Variants in NALF2 observed in about 807,000 individuals in gnomAD.
The protein encoded by NALF2 is NALCN channel auxiliary factor 2.
NALF2 carries 1 observed loss-of-function variant against 24.8 expected under a neutral mutation model. The observed-to-expected ratio is 0.04, with a 90% CI of 0.01 to 0.19. The LOEUF is 0.19. Among genes scored for constraint, NALF2 ranks in the 10% least tolerant of loss-of-function variants. The pLI is 1.00. For missense variants in NALF2, 458 were observed against 409.6 expected, an observed-to-expected ratio of 1.12 and a Z score of -1.02; for synonymous variants, 254 against 189.8, an observed-to-expected ratio of 1.34 and a Z score of -2.78.
At chrX:69,509,717 G>T (rs1930551595) in intron 1 of NALF2, among the ~76,000 whole-genome samples, 1 of 111,801 alleles carries the variant, frequency 8.9e-6, no homozygotes, top group Non-Finnish European at 1.9e-5. Flanking sequence ...GTTTCACCTG[G>T]AGAAGAGGTG....
chrX:69,505,178 C>G lies in NALF2; in HGVS notation c.-105C>G. 1 of 837,887 alleles carries G rather than the reference C, an allele frequency of 1.2e-6. No individual in the cohort carries two copies. Among genetic ancestry groups the G allele is most frequent in the South Asian group, 3.0e-5 (1 of 33,479 alleles). The allele number at this position is 837,887 out of a possible 1,213,427, so 69.1% of individuals were successfully genotyped here. Reference sequence around the variant, plus strand: ...TCACCATGCAGCCCCCGAGGTAGAGCCTGGACGGCGCCGAGGAGCGCAGAG... The same window carrying G: ...TCACCATGCAGCCCCCGAGGTAGAGGCTGGACGGCGCCGAGGAGCGCAGAG... On this transcript the variant is annotated 5_prime_UTR_variant, in exon 1 of 3. Coordinates refer to ENST00000252338, the MANE Select transcript of NALF2 (RefSeq NM_015686.3).
At chrX:69,528,261 C>A (rs937152725) in intron 1 of NALF2, among the ~76,000 whole-genome samples, 1 of 111,507 alleles carries the variant, frequency 9.0e-6, no homozygotes, top group African/African-American at 3.3e-5. Context: ...GGAAGCATAC[C>A]CATGAAGTGA....
chrX:69,528,870 C>A, intron 1 of NALF2, 123 bp from the exon 2 acceptor site: 3 of 655,434 alleles, frequency 4.6e-6, no homozygotes, highest in Non-Finnish European at 6.6e-6. Context: ...CTCTCTACCC[C>A]CTGGATCTTG....
At chrX:69,513,427 A>G (rs187674381) in intron 1 of NALF2, among the ~76,000 whole-genome samples, 2,572 of 111,955 alleles carry the variant, frequency 0.023, 74 homozygotes, top group African/African-American at 0.08. Context: ...TTTCTTGGGG[A>G]TTGAAGGAAG....
In NALF2 at chrX:69,522,178, TA is replaced by T. The variant is rs749772105; in HGVS notation, c.862-6813del. On this transcript the variant is annotated intron_variant, in intron 1 of 2. Transcript: ENST00000252338. ...ACAAGGCTTACAATCAGAAACTGGA[TA>T]AGCACTTGGCAGTGATGTTGGAGTG... Among the ~76,000 whole-genome samples the T allele has an allele frequency of 3.5e-3, 388 of 112,171 alleles. 3 individuals carry two copies. Among genetic ancestry groups the T allele is most frequent in the Non-Finnish European group, 6.3e-3 (333 of 53,181 alleles).
chrX:69,514,432 A>G (rs1205927697), intron 1 of NALF2, among the ~76,000 whole-genome samples: 4 of 111,296 alleles, frequency 3.6e-5, no homozygotes, highest in African/African-American at 1.3e-4. Context: ...AGTCCATTGT[A>G]TATCTATGCC....
chrX:69,518,440 T>C (rs1198020876), intron 1 of NALF2, among the ~76,000 whole-genome samples: 1 of 111,360 alleles, frequency 9.0e-6, no homozygotes, highest in Non-Finnish European at 1.9e-5. Flanking sequence ...TATATGTGTA[T>C]ACACACACAC....
At chrX:69,520,201 AC>A (rs1193589566) in intron 1 of NALF2, among the ~76,000 whole-genome samples, 6 of 111,689 alleles carry the variant, frequency 5.4e-5, no homozygotes, top group Non-Finnish European at 9.4e-5. Context: ...GTAACAAACA[AC>A]CCCCAAATAT....
chrX:69,505,514 A>T lies in NALF2; in HGVS notation c.232A>T (p.Met78Leu). Residue 78 changes from methionine to leucine, a missense_variant, in exon 1 of 3, where the codon ATG becomes TTG. Coordinates refer to ENST00000252338, the MANE Select transcript of NALF2 (RefSeq NM_015686.3). ...CCGGGCCAGGGAGCTGAGCAGCGCC[A>T]TGCGGCCCCCATGGGGGGCCGGCCG... ...RPRARELSSA[M>L]RPPWGAGRER... 3 of 997,131 alleles carry T rather than the reference A, an allele frequency of 3.0e-6. No individual in the cohort carries two copies. The highest frequency in any genetic ancestry group is 3.8e-6 in the Non-Finnish European group (3 of 796,673). The allele number at this position is 997,131 out of a possible 1,213,427, so 82.2% of individuals were successfully genotyped here.
chrX:69,531,210 G>A lies in NALF2; in HGVS notation c.*1254G>A, dbSNP rs912577548. On this transcript the variant is annotated 3_prime_UTR_variant, in exon 3 of 3. Transcript: ENST00000252338. Reference sequence around the variant, plus strand: ...CACCCATACTCCTCTTCACCCTGTAGCAGGGTCTTCTGCTCCAGTCACCCC... The same window carrying A: ...CACCCATACTCCTCTTCACCCTGTAACAGGGTCTTCTGCTCCAGTCACCCC... 8.9e-6 allele frequency: 1 copy of A among 112,990 alleles called. No individual in the cohort carries two copies. Among genetic ancestry groups the A allele is most frequent in the African/African-American group, 3.2e-5 (1 of 30,987 alleles). 9.3% of individuals were successfully genotyped at this position (112,990 alleles called of 1,213,427 possible). A position where few individuals can be genotyped will look rare whatever the true frequency, so the allele number is the denominator to read the frequency against.
rs1930878349 is a variant in NALF2, at chrX:69,530,023, AG to A, written c.*72del. 3.7e-6 allele frequency: 2 copies of A among 543,994 alleles called. No individual in the cohort carries two copies. Among genetic ancestry groups the A allele is most frequent in the South Asian group, 3.7e-5 (1 of 27,017 alleles). 44.8% of individuals were successfully genotyped at this position (543,994 alleles called of 1,213,427 possible). A position where few individuals can be genotyped will look rare whatever the true frequency, so the allele number is the denominator to read the frequency against. On this transcript the variant is annotated 3_prime_UTR_variant, in exon 3 of 3. Coordinates refer to ENST00000252338, the MANE Select transcript of NALF2 (RefSeq NM_015686.3). The stretch of plus-strand genomic sequence containing the variant: ...CTCCAGCTCCCCCAGGTTGGGGGGG[AG>A]GGGGCTCCTCCCATGGGAGGTGTAG...
chrX:69,523,258 C>T (rs1930757581), intron 1 of NALF2, among the ~76,000 whole-genome samples: 1 of 112,792 alleles, frequency 8.9e-6, no homozygotes, highest in Admixed American at 9.3e-5. Flanking sequence ...CTTTTCAGCC[C>T]CAGAACCAAG....
chrX:69,529,793 C>G lies in NALF2; in HGVS notation c.1256C>G (p.Pro419Arg). Residue 419 changes from proline to arginine, a missense_variant, in exon 3 of 3, where the codon CCG becomes CGG. Transcript: ENST00000252338. ...GRVSNKPALL[P>R]VSGGSRLSPS... ...GTCAGCAACAAGCCCGCCCTGCTGC[C>G]GGTCTCTGGGGGCTCCCGCCTCAGC... The G allele has an allele frequency of 8.3e-7, 1 of 1,211,829 alleles. No individual in the cohort carries two copies. Among genetic ancestry groups the G allele is most frequent in the Non-Finnish European group, 1.1e-6 (1 of 895,487 alleles).
In NALF2 at chrX:69,504,477, C is replaced by T. The variant is rs1339103372; in HGVS notation, c.-806C>T. On this transcript the variant is annotated 5_prime_UTR_variant, in exon 1 of 3. Coordinates refer to ENST00000252338, the MANE Select transcript of NALF2 (RefSeq NM_015686.3). ...GCCAGCGGGAGCCACGGGGCCGTGC[C>T]GCTGGGCTGCAGCCACAGCGGTGCG... is the stretch of plus-strand genomic sequence containing the variant. 2.6e-5 allele frequency among the ~76,000 whole-genome samples: 3 copies of T among 113,477 alleles called. No homozygotes were observed. Among genetic ancestry groups the T allele is most frequent in the Non-Finnish European group, 3.8e-5 (2 of 53,303 alleles).
intron 1 of NALF2, among the ~76,000 whole-genome samples, chrX:69,524,573 G>C (rs1391620802): frequency 2.7e-5 from 3 of 110,907 alleles, no homozygotes; most frequent in Non-Finnish European, 3.8e-5. Context: ...TCCTAAGCCG[G>C]GCCCTCCTGG....
chrX:69,505,243 C>T lies in NALF2; in HGVS notation c.-40C>T, dbSNP rs1453891168. On this transcript the variant is annotated 5_prime_UTR_variant, in exon 1 of 3. Transcript: ENST00000252338. ...CCCGCCCCAGACGGCCGTCTGGCCTCGCGCCTGCCTGTTCCCTCCAGCCCG... is the reference window on the plus strand; with the variant it reads ...CCCGCCCCAGACGGCCGTCTGGCCTTGCGCCTGCCTGTTCCCTCCAGCCCG... 8 of 1,108,890 alleles carry T rather than the reference C, an allele frequency of 7.2e-6. No individual in the cohort carries two copies. Among genetic ancestry groups the T allele is most frequent in the Non-Finnish European group, 9.4e-6 (8 of 847,639 alleles). The allele number at this position is 1,108,890 out of a possible 1,213,427, so 91.4% of individuals were successfully genotyped here.
At chrX:69,507,725 C>T (rs1298478514) in intron 1 of NALF2, among the ~76,000 whole-genome samples, 1 of 111,341 alleles carries the variant, frequency 9.0e-6, no homozygotes, top group Non-Finnish European at 1.9e-5. Flanking sequence ...ATGTCAGCCA[C>T]GGACACATAC....
Position 69,505,758 on chromosome X carries a change from C to A in NALF2, c.476C>A (p.Pro159Gln). ...KLQSLQRLFE[P>Q]TTPAPPLRPP... ...CAATCTTTGCAGAGACTTTTCGAAC[C>A]GACTACTCCGGCCCCCCCTCTGCGG... The change falls in exon 1 of 3, where the codon CCG becomes CAG. Residue 159 changes from proline to glutamine, a missense_variant. Transcript: ENST00000252338. The A allele has an allele frequency of 8.3e-7, 1 of 1,211,590 alleles. No homozygotes were observed.
chrX:69,516,141 T>G (rs1370719088), intron 1 of NALF2, among the ~76,000 whole-genome samples: 1 of 112,168 alleles, frequency 8.9e-6, no homozygotes, highest in Non-Finnish European at 1.9e-5. Context: ...ATGAGGAAAG[T>G]GTGGATCAGG....
Sources: allele counts gnomAD v4.1 joint callset (sites outside exome capture counted in the v4.1 genomes callset), GRCh38; gene constraint gnomAD v4.1.1; transcripts MANE v1.5; gene names NCBI Gene and HGNC (gene_info 2026-07-23, HGNC 2026-07-21).